Variants in NDUFA7 observed in about 807,000 individuals in gnomAD.
NDUFA7 encodes NADH:ubiquinone oxidoreductase subunit A7, also known as NADH dehydrogenase [ubiquinone] 1 alpha subcomplex subunit 7.
NDUFA7 carries 18 observed loss-of-function variants against 14.2 expected under a neutral mutation model. That is an observed-to-expected ratio of 1.27 (90% confidence interval 0.88 to 1.88). The LOEUF (loss-of-function observed/expected upper bound fraction) is 1.88, where lower values mean the gene tolerates loss of function less well. Among genes scored for constraint, NDUFA7 ranks in the 40% most tolerant of loss-of-function variants. NDUFA7 has a pLI of 0.00. For missense variants in NDUFA7, 172 were observed against 147.3 expected, an observed-to-expected ratio of 1.17 and a Z score of -0.87; for synonymous variants, 75 against 62.1, an observed-to-expected ratio of 1.21 and a Z score of -0.98.
chr19:8,315,553 G>T (rs1288375781), intron 3 of NDUFA7, among the ~76,000 whole-genome samples: 2 of 152,112 alleles, frequency 1.3e-5, no homozygotes, highest in Non-Finnish European at 2.9e-5. Context: ...AGAGACTTTT[G>T]TTCACGTGTT....
rs757337712 is a variant in NDUFA7 at position 8,311,500 on chromosome 19, C to T, written c.*5G>A. On this transcript the variant is annotated 3_prime_UTR_variant, in exon 4 of 4. Coordinates refer to ENST00000301457, the MANE Select transcript of NDUFA7 (RefSeq NM_005001.5). ...AAGTAGTCGGGTGGCCGTGAGGGTG[C>T]AGTGTCACAGGTAAGGCTGGTCCGA... 43 of 1,598,464 alleles carry T rather than the reference C, an allele frequency of 2.7e-5. No individual in the cohort carries two copies. The highest frequency in any genetic ancestry group is 3.6e-5 in the Non-Finnish European group (42 of 1,171,270).
intron 3 of NDUFA7, among the ~76,000 whole-genome samples, chr19:8,312,795 GCTGGGCCTACGGGTGCACACCACCACA>G (rs1176142070): frequency 1.3e-5 from 2 of 152,128 alleles, no homozygotes; most frequent in African/African-American, 4.8e-5. Context: ...CCTTCAAGTA[GCTGGGCCTACGGGTGCACACCACCACA>G]CCCGGCTAAT....
intron 3 of NDUFA7, among the ~76,000 whole-genome samples, chr19:8,314,710 A>G (rs1970213932): frequency 6.6e-6 from 1 of 152,208 alleles, no homozygotes; most frequent in African/African-American, 2.4e-5. Context: ...TCAGGAGATC[A>G]AGACCATCCT....
At chr19:8,316,365 C>A in intron 3 of NDUFA7, 131 bp downstream of exon 3, 4 of 1,330,606 alleles carry the variant, frequency 3.0e-6, no homozygotes, top group Non-Finnish European at 4.1e-6. Flanking sequence ...AAGCTCCCAG[C>A]AGCACAGTTC....
rs980868446 is a variant in NDUFA7, at chr19:8,320,997, C to A, written c.52-91G>T. On this transcript the variant is annotated intron_variant, in intron 1 of 3. Coordinates refer to ENST00000301457, the MANE Select transcript of NDUFA7 (RefSeq NM_005001.5). The stretch of plus-strand genomic sequence containing the variant: ...AGGGACCAGGGATGGTCCGGGGATG[C>A]GCATTTTAAGGGAAGGCAGGGGATG... 30 of 1,455,692 alleles carry A rather than the reference C, an allele frequency of 2.1e-5. No individual in the cohort carries two copies. The South Asian group carries it at 2.9e-4, about 14-fold the overall frequency. 90.2% of individuals were successfully genotyped at this position (1,455,692 alleles called of 1,614,324 possible). A position where few individuals can be genotyped will look rare whatever the true frequency, so the allele number is the denominator to read the frequency against.
chr19:8,315,201 T>A (rs1970218978), intron 3 of NDUFA7, among the ~76,000 whole-genome samples: 1 of 152,144 alleles, frequency 6.6e-6, no homozygotes, highest in South Asian at 2.1e-4. Context: ...TTTCTCCCCA[T>A]GTGATAGCCT....
chr19:8,312,279 T>G (rs200920116), intron 3 of NDUFA7, among the ~76,000 whole-genome samples: 1 of 151,642 alleles, frequency 6.6e-6, no homozygotes, highest in East Asian at 1.9e-4. Flanking sequence ...AGCAGGAGGG[T>G]GGGGTGATGG....
intron 1 of NDUFA7, 52 bp from the exon 2 acceptor site, chr19:8,320,958 G>C: frequency 6.2e-7 from 1 of 1,602,686 alleles, no homozygotes; most frequent in South Asian, 1.1e-5. Context: ...CAGGAGAGAG[G>C]AAAGGAGAGG....
At position 8,316,509 on chromosome 19, in the gene NDUFA7, TGCCTGACAC is replaced by T; in HGVS notation, c.229_237del (p.Val77_Gly79del). 1 of 1,613,970 alleles carries T rather than the reference TGCCTGACAC, an allele frequency of 6.2e-7. No individual in the cohort carries two copies. Among genetic ancestry groups the T allele is most frequent in the South Asian group, 1.1e-5 (1 of 91,090 alleles). ...GGAGATCCTCACCTCTCTGCTGGCTTGCCTGACACCAGCGCCTTCTGCGACGACATGATG... is the reference window on the plus strand; with the variant it reads ...GGAGATCCTCACCTCTCTGCTGGCTTCAGCGCCTTCTGCGACGACATGATG... On this transcript the variant is annotated inframe_deletion, in exon 3 of 4. Coordinates refer to ENST00000301457, the MANE Select transcript of NDUFA7 (RefSeq NM_005001.5).
In NDUFA7 at chr19:8,315,837, C is replaced by G. The variant is rs576528485; in HGVS notation, c.251+659G>C. Among the ~76,000 whole-genome samples, 61 of 151,970 alleles carry G rather than the reference C, an allele frequency of 4.0e-4. No homozygotes were observed. The South Asian group carries it at 6.4e-3, about 16-fold the overall frequency. On this transcript the variant is annotated intron_variant, in intron 3 of 3. Coordinates refer to ENST00000301457, the MANE Select transcript of NDUFA7 (RefSeq NM_005001.5). Reference sequence around the variant, plus strand: ...TCAGCCTGGGCGACGCAGGGAGACTCCATCTCAAAACAAAAACAAAAACAA... The same window carrying G: ...TCAGCCTGGGCGACGCAGGGAGACTGCATCTCAAAACAAAAACAAAAACAA...
chr19:8,314,099 A>G (rs543662283), intron 3 of NDUFA7, among the ~76,000 whole-genome samples: 4 of 152,262 alleles, frequency 2.6e-5, no homozygotes, highest in African/African-American at 9.6e-5. Context: ...AGGCCAGAGG[A>G]TCACATGAGG....
At chr19:8,321,246 G>A (rs909599445) in intron 1 of NDUFA7, 62 bp downstream of exon 1, 116 of 1,468,998 alleles carry the variant, frequency 7.9e-5, no homozygotes, top group Non-Finnish European at 1.0e-4. Flanking sequence ...AGGAGCAGGA[G>A]CGGGTCCCGG....
rs756774473 is a variant in NDUFA7, at chr19:8,316,583, C to T, written c.164G>A (p.Cys55Tyr). Residue 55 changes from cysteine to tyrosine, a missense_variant, in exon 3 of 4, where the codon TGC (cysteine) becomes TAC (tyrosine). Coordinates refer to ENST00000301457, the MANE Select transcript of NDUFA7 (RefSeq NM_005001.5). Reference protein sequence around the residue: ...PSHKLSNNYYCTRDGRRESVP... With the variant: ...PSHKLSNNYYYTRDGRRESVP... The stretch of plus-strand genomic sequence containing the variant: ...AGATTCCCGGCGGCCATCGCGAGTG[C>T]AATAGTAATTGTTGGAGAGCTTGTG... 1.4e-5 allele frequency: 22 copies of T among 1,613,960 alleles called. No homozygotes were observed. The highest frequency in any genetic ancestry group is 7.7e-5 in the South Asian group (7 of 91,082).
At position 8,316,576 on chromosome 19, in the gene NDUFA7, G is replaced by T; in HGVS notation, c.171C>A (p.Arg57=). The T allele has an allele frequency of 1.2e-6, 2 of 1,614,136 alleles. No individual in the cohort carries two copies. The highest frequency in any genetic ancestry group is 1.1e-5 in the South Asian group (1 of 91,086). ...HKLSNNYYCT[R]DGRRESVPPS... ...GGGGCACAGATTCCCGGCGGCCATC[G>T]CGAGTGCAATAGTAATTGTTGGAGA... Residue 57 remains arginine (R), a synonymous_variant, in exon 3 of 4, where the codon CGC becomes CGA. Coordinates refer to ENST00000301457, the MANE Select transcript of NDUFA7 (RefSeq NM_005001.5).
intron 2 of NDUFA7, 38 bp from the exon 3 acceptor site, chr19:8,316,683 A>G (rs1970239329): frequency 6.2e-7 from 1 of 1,608,032 alleles, no homozygotes; most frequent in African/African-American, 1.3e-5. Context: ...GCAAAGAGAC[A>G]GTCACTGTCA....
At chr19:8,319,845 TTTTC>T (rs1439565870) in intron 2 of NDUFA7, among the ~76,000 whole-genome samples, 1 of 152,056 alleles carries the variant, frequency 6.6e-6, no homozygotes, top group East Asian at 1.9e-4. Flanking sequence ...TCAGAATGTT[TTTTC>T]TTTTTTATTT....
At chr19:8,312,109 G>C (rs557249237) in intron 3 of NDUFA7, among the ~76,000 whole-genome samples, 1 of 152,182 alleles carries the variant, frequency 6.6e-6, no homozygotes, top group Non-Finnish European at 1.5e-5. Flanking sequence ...GAATCCATGC[G>C]CAAATGGCAA....
chr19:8,318,408 A>G (rs904881575), intron 2 of NDUFA7, among the ~76,000 whole-genome samples: 2 of 151,710 alleles, frequency 1.3e-5, no homozygotes, highest in African/African-American at 2.4e-5. Context: ...TCGGCCTCCC[A>G]AAGTGCTGGG....
intron 3 of NDUFA7, among the ~76,000 whole-genome samples, chr19:8,314,673 G>A (rs768024275): frequency 6.6e-6 from 1 of 152,172 alleles, no homozygotes; most frequent in Non-Finnish European, 1.5e-5. Context: ...CAGCACTTTG[G>A]GAGGCCAACG....
Sources: allele counts gnomAD v4.1 joint callset (sites outside exome capture counted in the v4.1 genomes callset), GRCh38; gene constraint gnomAD v4.1.1; transcripts MANE v1.5; gene names NCBI Gene and HGNC (gene_info 2026-07-23, HGNC 2026-07-21).